The following ARID1B variants were observed in gnomAD, a reference collection of about 807,000 sequenced individuals.
ARID1B encodes the protein AT-rich interactive domain-containing protein 1B.
ARID1B carries 30 observed loss-of-function variants against 212.3 expected under a neutral mutation model. The ratio of observed to expected loss-of-function variants is 0.14; its 90% CI spans 0.11 to 0.19. ARID1B has a LOEUF of 0.19. ARID1B is among the 10% of genes least tolerant of loss of function. The pLI is 1.00. For synonymous variants in ARID1B, 1,402 were observed against 1,301.7 expected, an observed-to-expected ratio of 1.08 and a Z score of -1.66; for missense variants, 2,891 against 3,204.0, an observed-to-expected ratio of 0.90 and a Z score of 2.36.
chr6:156,829,581 T>C (rs1783001243), intron 2 of ARID1B, 160 bp downstream of exon 2: 3 of 873,764 alleles, frequency 3.4e-6, no homozygotes, highest in South Asian at 2.1e-5. Context: ...ATTTTTTTTT[T>C]CTTTTAAAGA....
intron 4 of ARID1B, among the ~76,000 whole-genome samples, chr6:157,054,059 T>C (rs956486581): frequency 3.9e-5 from 6 of 152,128 alleles, no homozygotes; most frequent in African/African-American, 1.4e-4. Context: ...ACCCCGTCTC[T>C]ACTAAAAATA....
intron 5 of ARID1B, among the ~76,000 whole-genome samples, chr6:157,101,880 G>C (rs1786070682): frequency 1.3e-5 from 2 of 152,138 alleles, no homozygotes; most frequent in South Asian, 4.1e-4. Flanking sequence ...GACTAATCAT[G>C]TCAATATTCC....
intron 4 of ARID1B, among the ~76,000 whole-genome samples, chr6:156,980,108 A>G (rs1050323839): frequency 6.6e-6 from 1 of 152,236 alleles, no homozygotes; most frequent in African/African-American, 2.4e-5. Context: ...AGCATTTGCC[A>G]TTAAACATTC....
At chr6:157,055,564 G>A (rs1782906780) in intron 4 of ARID1B, among the ~76,000 whole-genome samples, 1 of 152,146 alleles carries the variant, frequency 6.6e-6, no homozygotes, top group Non-Finnish European at 1.5e-5. Context: ...AGGAAAATTT[G>A]AAAATTCTTA....
Position 157,190,215 on chromosome 6 carries a change from G to T in ARID1B, c.4231+5G>T. Reference sequence around the variant, plus strand: ...CCTTTGGGGGAATGAGAAAAGGTACGTGTAGAGGGGCCTCCACCCGGCCAT... The same window carrying T: ...CCTTTGGGGGAATGAGAAAAGGTACTTGTAGAGGGGCCTCCACCCGGCCAT... On this transcript the variant is annotated splice_donor_5th_base_variant and intron_variant, in intron 15 of 19. Transcript: ENST00000636930. The surrounding 1 kb of genome is among the most constrained non-coding windows in gnomAD (Gnocchi z 4.6). 6.2e-7 allele frequency: 1 copy of T among 1,603,910 alleles called. No homozygotes were observed. The highest frequency in any genetic ancestry group is 8.5e-7 in the Non-Finnish European group (1 of 1,176,872).
At chr6:157,112,592 C>T (rs1391098840) in intron 6 of ARID1B, among the ~76,000 whole-genome samples, 1 of 152,134 alleles carries the variant, frequency 6.6e-6, no homozygotes, top group East Asian at 1.9e-4. Context: ...ACCTTTATTA[C>T]TAAGAAGAAA....
chr6:156,777,946 GCGCCGCGGC>G lies in ARID1B; in HGVS notation c.273_281del (p.Ala92_Ala94del), dbSNP rs1562374335. 2.6e-6 allele frequency: 4 copies of G among 1,528,432 alleles called. No homozygotes were observed. The highest frequency in any genetic ancestry group is 2.6e-6 in the Non-Finnish European group (3 of 1,144,242). 94.7% of individuals were successfully genotyped at this position (1,528,432 alleles called of 1,614,324 possible). A position where few individuals can be genotyped will look rare whatever the true frequency, so the allele number is the denominator to read the frequency against. On this transcript the variant is annotated inframe_deletion, in exon 1 of 20. Coordinates refer to ENST00000636930, the MANE Select transcript of ARID1B (RefSeq NM_001374828.1). ...GAACTCAACATGGCCCATAACGCGG[GCGCCGCGGC>G]CGCCGCCGGCACCCACAGCGCCAAG...
chr6:156,982,115 C>A (rs1435266700), intron 4 of ARID1B, among the ~76,000 whole-genome samples: 1 of 151,684 alleles, frequency 6.6e-6, no homozygotes, highest in Non-Finnish European at 1.5e-5. Context: ...GCACATCTTT[C>A]AGTAGCTTCT....
intron 4 of ARID1B, among the ~76,000 whole-genome samples, chr6:157,014,178 C>T (rs761124463): frequency 6.6e-6 from 1 of 152,162 alleles, no homozygotes; most frequent in Non-Finnish European, 1.5e-5. Context: ...CAGCCATTAG[C>T]TCTTGCCTGA....
intron 4 of ARID1B, among the ~76,000 whole-genome samples, chr6:156,983,953 T>A (rs1377821761): frequency 1.3e-5 from 2 of 152,222 alleles, no homozygotes; most frequent in Non-Finnish European, 2.9e-5. Context: ...CTGTGTTTGC[T>A]TTCCATCTAC....
intron 11 of ARID1B, chr6:157,175,228 C>CTGT (rs1355915573): frequency 3.1e-6 from 1 of 322,552 alleles, no homozygotes; most frequent in African/African-American, 2.2e-5. Flanking sequence ...AATGAAAAAG[C>CTGT]TGTTATAAAG....
rs1784868450 is a variant in ARID1B at position 157,084,915 on chromosome 6, T to C, written c.2491+10T>C. Reference sequence around the variant, plus strand: ...CCTGCAAGTATCCCAGGTATTTACTTTCCTGACAATTATTATTTTACTTTG... The same window carrying C: ...CCTGCAAGTATCCCAGGTATTTACTCTCCTGACAATTATTATTTTACTTTG... On this transcript the variant is annotated intron_variant, in intron 5 of 19. Transcript: ENST00000636930. The C allele has an allele frequency of 2.5e-6, 4 of 1,592,214 alleles. No individual in the cohort carries two copies. In the African/African-American group the frequency reaches 5.4e-5, roughly 22 times the overall value.
rs1582894963 is a variant in ARID1B, at chr6:156,895,689, T to C, written c.1987-5687T>C. On this transcript the variant is annotated intron_variant, in intron 2 of 19. Transcript: ENST00000636930. ...ATATAGAAAAGTACAGAAGCAAATATAACAGACACACTTGTGTAATTACAG... is the reference window on the plus strand; with the variant it reads ...ATATAGAAAAGTACAGAAGCAAATACAACAGACACACTTGTGTAATTACAG... Among the ~76,000 whole-genome samples, 5 of 152,184 alleles carry C rather than the reference T, an allele frequency of 3.3e-5. No individual in the cohort carries two copies. In the South Asian group the frequency reaches 1.0e-3, roughly 32 times the overall value.
intron 2 of ARID1B, among the ~76,000 whole-genome samples, chr6:156,898,415 G>A (rs1235879964): frequency 3.9e-5 from 6 of 152,126 alleles, no homozygotes. Flanking sequence ...TCAGGTGGGG[G>A]TTGAGCTTGA....
At chr6:156,934,938 A>C (rs1288426720) in intron 3 of ARID1B, among the ~76,000 whole-genome samples, 1 of 93,768 alleles carries the variant, frequency 1.1e-5, no homozygotes, top group Non-Finnish European at 2.4e-5. Context: ...ATATATATAT[A>C]TATATATATA....
chr6:157,045,360 C>T (rs1782163275), intron 4 of ARID1B, among the ~76,000 whole-genome samples: 1 of 152,194 alleles, frequency 6.6e-6, no homozygotes, highest in Non-Finnish European at 1.5e-5. Flanking sequence ...AGTGTAACCA[C>T]ATGAAAACAT....
intron 4 of ARID1B, among the ~76,000 whole-genome samples, chr6:156,963,121 A>C (rs1245575487): frequency 6.6e-6 from 1 of 151,988 alleles, no homozygotes; most frequent in East Asian, 1.9e-4. Context: ...GTTATAGTTT[A>C]TTTTGGTAGG....
At chr6:156,839,663 G>A (rs540843533) in intron 2 of ARID1B, among the ~76,000 whole-genome samples, 1 of 152,216 alleles carries the variant, frequency 6.6e-6, no homozygotes, top group South Asian at 2.1e-4. Context: ...CACATCACTG[G>A]CCCTTAGTCT....
In ARID1B at chr6:157,110,538, A is replaced by G; in HGVS notation, c.2558A>G (p.Gln853Arg). 6.2e-7 allele frequency: 1 copy of G among 1,614,208 alleles called. No individual in the cohort carries two copies. Among genetic ancestry groups the G allele is most frequent in the Non-Finnish European group, 8.5e-7 (1 of 1,180,038 alleles). Residue 853 changes from glutamine (Q) to arginine (R), a missense_variant, in exon 6 of 20, where the codon CAG becomes CGG. This residue lies in a region of ARID1B where 1,643 missense variants were observed against 1,544.0 expected (regional missense o/e 1.06). Coordinates refer to ENST00000636930, the MANE Select transcript of ARID1B (RefSeq NM_001374828.1). ...TCCAGTTCCCATCCCGCCTTGAGCC[A>G]GTCACCAATGCCACAGGAAAGAGGT... ...SESSSHPALS[Q>R]SPMPQERGFM... is the part of the protein sequence containing the mutation.
Sources: gnomAD v4.1 joint callset for allele counts (sites outside exome capture counted in the v4.1 genomes callset) on GRCh38, gnomAD v4.1.1 for gene constraint, gnomAD v4.1.1 regional missense constraint, Gnocchi (gnomAD v3.1) non-coding constraint, MANE v1.5 for transcripts, NCBI Gene and HGNC (gene_info 2026-07-23, HGNC 2026-07-21) for gene names.